MAP4K4: variants seen among roughly 807,000 people sequenced by gnomAD.
MAP4K4 encodes the protein mitogen-activated protein kinase kinase kinase kinase 4, also known as HPK/GCK-like kinase HGK.
Under a neutral mutation model 189.6 loss-of-function variants are expected in MAP4K4, and 38 were observed. The ratio of observed to expected loss-of-function variants is 0.20; its 90% confidence interval spans 0.15 to 0.26. The LOEUF (loss-of-function observed/expected upper bound fraction) is 0.26. MAP4K4 is among the 10% of genes least tolerant of loss of function. The pLI is 1.00. For missense variants in MAP4K4, 1,054 were observed against 1,726.9 expected (o/e 0.61, Z 6.91); for synonymous variants, 610 against 624.3 (o/e 0.98, Z 0.34).
chr2:101,782,414 G>C (rs564412530), intron 2 of MAP4K4, among the ~76,000 whole-genome samples: 1 of 152,208 alleles, frequency 6.6e-6, no homozygotes, highest in Admixed American at 6.5e-5. Flanking sequence ...TGATTTTAAG[G>C]TCTTTAGGGA....
intron 3 of MAP4K4, among the ~76,000 whole-genome samples, chr2:101,793,454 G>A (rs1366655145): frequency 2.6e-5 from 4 of 152,184 alleles, no homozygotes; most frequent in Admixed American, 2.0e-4. Flanking sequence ...GGACCTGGGA[G>A]CAAGTGGGGA....
At chr2:101,881,536 A>G (rs149243299) in intron 27 of MAP4K4, among the ~76,000 whole-genome samples, 364 of 152,216 alleles carry the variant, frequency 2.4e-3, no homozygotes, top group African/African-American at 8.4e-3. Flanking sequence ...GTCTAATTGC[A>G]TTAGCTAGGA....
At chr2:101,705,351 G>C (rs972491775) in intron 2 of MAP4K4, among the ~76,000 whole-genome samples, 16 of 152,180 alleles carry the variant, frequency 1.1e-4, no homozygotes, top group Non-Finnish European at 1.8e-4. Context: ...TGGGATGTCA[G>C]TCATACATTC....
chr2:101,729,261 A>C (rs73943745), intron 2 of MAP4K4, among the ~76,000 whole-genome samples: 7 of 104,662 alleles, frequency 6.7e-5, no homozygotes, highest in African/African-American at 2.8e-4. Context: ...AGTCTCTTTT[A>C]TTTTTGCCAG....
Position 101,792,731 on chromosome 2 carries a change from G to A in MAP4K4, c.180+1955G>A, listed in dbSNP as rs533789589. On this transcript the variant is annotated intron_variant, in intron 3 of 32. Coordinates refer to ENST00000324219, the Ensembl canonical transcript of MAP4K4. ...GCTCATTGCAACCTCCACCTCCTGG[G>A]TTCAAGCAATTTTCCTGCCTCAGCG... Among the ~76,000 whole-genome samples the A allele has an allele frequency of 2.6e-5, 4 of 151,978 alleles. No individual in the cohort carries two copies. The East Asian group carries it at 5.8e-4, about 22-fold the overall frequency.
At position 101,712,088 on chromosome 2, in the gene MAP4K4, C is replaced by A. The variant is rs542862916; in HGVS notation, c.123+13550C>A. ...GTTTGTAGCACATGTTTTTAACTTA[C>A]CACAGTCTACCTTCAAATGATATTA... On this transcript the variant is annotated intron_variant, in intron 2 of 32. Transcript: ENST00000324219. Among the ~76,000 whole-genome samples, 4 of 151,330 alleles carry A rather than the reference C, an allele frequency of 2.6e-5. No homozygotes were observed. The East Asian group carries it at 7.8e-4, about 29-fold the overall frequency.
At chr2:101,876,961 A>C in intron 26 of MAP4K4, 42 bp from the exon 27 acceptor site, 1 of 1,608,470 alleles carries the variant, frequency 6.2e-7, no homozygotes, top group Non-Finnish European at 8.5e-7. Context: ...GGATTTGCCA[A>C]GCACAGCATA....
intron 2 of MAP4K4, among the ~76,000 whole-genome samples, chr2:101,787,381 A>G (rs930825936): frequency 6.6e-6 from 1 of 152,214 alleles, no homozygotes; most frequent in African/African-American, 2.4e-5. Context: ...AGCATAATGC[A>G]GTCCATTTAT....
chr2:101,775,985 A>G (rs891652127), intron 2 of MAP4K4, among the ~76,000 whole-genome samples: 1 of 152,220 alleles, frequency 6.6e-6, no homozygotes, highest in East Asian at 1.9e-4. Flanking sequence ...TAGACATGCA[A>G]TTAATGAGCT....
At chr2:101,743,024 T>G (rs1180396035) in intron 2 of MAP4K4, among the ~76,000 whole-genome samples, 2 of 152,192 alleles carry the variant, frequency 1.3e-5, no homozygotes, top group Non-Finnish European at 2.9e-5. Flanking sequence ...TAAATCTGTT[T>G]ATATTCAGTT....
intron 2 of MAP4K4, among the ~76,000 whole-genome samples, chr2:101,706,433 G>A (rs1407265950): frequency 1.3e-5 from 2 of 152,088 alleles, no homozygotes; most frequent in East Asian, 1.9e-4. Context: ...AGTCTCATAC[G>A]ATTACATTTC....
At chr2:101,740,279 A>G (rs1041693560) in intron 2 of MAP4K4, among the ~76,000 whole-genome samples, 3 of 119,050 alleles carry the variant, frequency 2.5e-5, no homozygotes, top group East Asian at 2.1e-4. Flanking sequence ...TCAGCCTCCC[A>G]AGTAGCTGGG....
exon 33 of MAP4K4, chr2:101,891,512 AG>A (rs1181750353): frequency 1.2e-5 from 4 of 341,454 alleles, no homozygotes; most frequent in Non-Finnish European, 2.2e-5. Context: ...AGGTGCTATA[AG>A]TGTTTGGGAT....
At chr2:101,780,572 AT>A (rs1264961007) in intron 2 of MAP4K4, among the ~76,000 whole-genome samples, 1 of 152,200 alleles carries the variant, frequency 6.6e-6, no homozygotes, top group Non-Finnish European at 1.5e-5. Context: ...TTTGTGTATG[AT>A]GTCTTCTGAT....
At chr2:101,870,265 G>A in intron 22 of MAP4K4, 30 bp from the exon 23 acceptor site, 2 of 1,608,134 alleles carry the variant, frequency 1.2e-6, no homozygotes, top group South Asian at 1.1e-5. Flanking sequence ...AGAGATTAAG[G>A]CCTTTCACGT....
chr2:101,821,824 C>T (rs2096073887), intron 3 of MAP4K4, among the ~76,000 whole-genome samples: 1 of 152,206 alleles, frequency 6.6e-6, no homozygotes, highest in African/African-American at 2.4e-5. Context: ...GTAATAACAG[C>T]TTAAAAAACT....
At chr2:101,886,825 ACCAT>A (rs1469911363) in intron 29 of MAP4K4, among the ~76,000 whole-genome samples, 1 of 152,010 alleles carries the variant, frequency 6.6e-6, no homozygotes, top group Non-Finnish European at 1.5e-5. Context: ...GGAGATCAAG[ACCAT>A]CCTGGCTAAC....
chr2:101,778,125 C>G (rs1041833505), intron 2 of MAP4K4, among the ~76,000 whole-genome samples: 1 of 152,156 alleles, frequency 6.6e-6, no homozygotes, highest in African/African-American at 2.4e-5. Flanking sequence ...CAGATGTCCT[C>G]TCATCAAAGG....
At chr2:101,730,978 G>A (rs111577819) in intron 2 of MAP4K4, among the ~76,000 whole-genome samples, 2,230 of 151,614 alleles carry the variant, frequency 0.015, 62 homozygotes, top group African/African-American at 0.051. Flanking sequence ...CCCGGGAGGC[G>A]GAGCTTGCAG....
Sources: allele counts gnomAD v4.1 joint callset (sites outside exome capture counted in the v4.1 genomes callset), GRCh38; gene constraint gnomAD v4.1.1; transcripts MANE v1.5; gene names NCBI Gene and HGNC (gene_info 2026-07-23, HGNC 2026-07-21).